The following KCNT2 variants were observed in gnomAD, a reference collection of about 807,000 sequenced individuals.
The protein encoded by KCNT2 is potassium channel subfamily T member 2.
A neutral mutation model predicts 153.8 loss-of-function variants in KCNT2; 67 were observed. The observed-to-expected ratio is 0.44, with a 90% CI of 0.36 to 0.53. The LOEUF (loss-of-function observed/expected upper bound fraction) is 0.53. Ranked by LOEUF, KCNT2 falls within the 20% of genes least tolerant of loss-of-function variation. The pLI is 0.00. For synonymous variants in KCNT2, 500 were observed against 458.8 expected (o/e 1.09, Z -1.15); for missense variants, 975 against 1,354.8 (o/e 0.72, Z 4.40).
At chr1:196,359,117 G>A (rs1667413071) in intron 14 of KCNT2, among the ~76,000 whole-genome samples, 1 of 151,840 alleles carries the variant, frequency 6.6e-6, no homozygotes, top group South Asian at 2.1e-4. Context: ...TTAACTGCAG[G>A]GAAATAGTAC....
intron 22 of KCNT2, among the ~76,000 whole-genome samples, chr1:196,301,509 T>C (rs1399801654): frequency 6.6e-6 from 1 of 152,170 alleles, no homozygotes. Flanking sequence ...TACAGAGTAT[T>C]ACTTCTGATA....
chr1:196,231,954 G>A lies in KCNT2; in HGVS notation c.3297-3619C>T, dbSNP rs139816725. On this transcript the variant is annotated intron_variant, in intron 27 of 27. Transcript: ENST00000294725. ...AATACTTCTATAATATTTTTAAGAG[G>A]CAGTATATAAAATGAACAGGAAAAC... 3.6e-4 allele frequency among the ~76,000 whole-genome samples: 54 copies of A among 151,818 alleles called. 1 individual carries two copies. Among genetic ancestry groups the A allele is most frequent in the Non-Finnish European group, 2.8e-4 (19 of 67,784 alleles).
In KCNT2 at chr1:196,293,867, A is replaced by C. The variant is rs554830256; in HGVS notation, c.2596-8109T>G. ...AAAGGCTTCTGCACAGTCAAAAAAA[A>C]AAAAAACAAAAAAACAAAAAACAAA... is the stretch of plus-strand genomic sequence containing the variant. On this transcript the variant is annotated intron_variant, in intron 22 of 27. Coordinates refer to ENST00000294725, the MANE Select transcript of KCNT2 (RefSeq NM_198503.5). Among the ~76,000 whole-genome samples the C allele has an allele frequency of 1.3e-3, 194 of 150,510 alleles. 3 individuals carry two copies. Among genetic ancestry groups the C allele is most frequent in the African/African-American group, 4.3e-3 (179 of 41,414 alleles).
At chr1:196,341,927 G>A in intron 15 of KCNT2, 152 bp downstream of exon 15, 2 of 641,558 alleles carry the variant, frequency 3.1e-6, no homozygotes, top group Non-Finnish European at 5.1e-6. Flanking sequence ...AGACACCAGG[G>A]TTCAAATGTT....
At chr1:196,596,491 G>A (rs191506608) in intron 1 of KCNT2, among the ~76,000 whole-genome samples, 36 of 152,152 alleles carry the variant, frequency 2.4e-4, no homozygotes, top group African/African-American at 8.2e-4. Context: ...GTGATGTTAA[G>A]CATTTTTTCA....
At chr1:196,260,070 T>C (rs772884361) in intron 25 of KCNT2, among the ~76,000 whole-genome samples, 1 of 151,848 alleles carries the variant, frequency 6.6e-6, no homozygotes, top group Non-Finnish European at 1.5e-5. Flanking sequence ...AATGAAAATA[T>C]GATATTTCAG....
chr1:196,438,477 G>A (rs1674927439), intron 8 of KCNT2, among the ~76,000 whole-genome samples: 1 of 151,742 alleles, frequency 6.6e-6, no homozygotes, highest in Admixed American at 6.6e-5. Context: ...GGCGATCATA[G>A]AAGGCTCCAA....
intron 1 of KCNT2, among the ~76,000 whole-genome samples, chr1:196,577,216 A>AAAC (rs374406013): frequency 2.6e-5 from 4 of 152,200 alleles, no homozygotes; most frequent in South Asian, 2.1e-4. Flanking sequence ...TCCACTCCCA[A>AAAC]AACAACAACA....
intron 8 of KCNT2, among the ~76,000 whole-genome samples, chr1:196,438,444 A>T (rs551415562): frequency 6.6e-6 from 1 of 151,792 alleles, no homozygotes; most frequent in African/African-American, 2.4e-5. Context: ...GCAAGTCCCA[A>T]GGGTTATGGA....
chr1:196,526,530 T>A (rs962428547), intron 1 of KCNT2, among the ~76,000 whole-genome samples: 1 of 151,776 alleles, frequency 6.6e-6, no homozygotes, highest in East Asian at 1.9e-4. Context: ...CTCGGCTCAC[T>A]ACAACCTCCG....
intron 1 of KCNT2, among the ~76,000 whole-genome samples, chr1:196,579,875 T>TA (rs1275076446): frequency 6.6e-6 from 1 of 152,150 alleles, no homozygotes; most frequent in Non-Finnish European, 1.5e-5. Flanking sequence ...TCATTGGTGA[T>TA]ACAGCTTTCA....
intron 22 of KCNT2, among the ~76,000 whole-genome samples, chr1:196,302,526 GC>G (rs1334978904): frequency 2.6e-5 from 4 of 151,996 alleles, no homozygotes; most frequent in Admixed American, 2.0e-4. Flanking sequence ...TCTGTTCCAG[GC>G]CTTTCTCCTT....
chr1:196,500,891 T>C (rs951696047), intron 1 of KCNT2, among the ~76,000 whole-genome samples: 5 of 152,102 alleles, frequency 3.3e-5, no homozygotes, highest in African/African-American at 1.2e-4. Flanking sequence ...GCAAAGGATA[T>C]GAACAGACAT....
At chr1:196,520,418 C>T (rs1198285819) in intron 1 of KCNT2, among the ~76,000 whole-genome samples, 1 of 151,760 alleles carries the variant, frequency 6.6e-6, no homozygotes, top group South Asian at 2.1e-4. Flanking sequence ...TCCTCTCTCA[C>T]CACTCCTATT....
intron 8 of KCNT2, among the ~76,000 whole-genome samples, chr1:196,430,191 T>C (rs747699355): frequency 3.9e-5 from 6 of 152,126 alleles, no homozygotes; most frequent in Middle Eastern, 3.4e-3. Flanking sequence ...GTAAAAGGCT[T>C]GAGGAGTTAA....
intron 12 of KCNT2, among the ~76,000 whole-genome samples, chr1:196,403,261 A>G (rs1375058877): frequency 6.6e-6 from 1 of 151,804 alleles, no homozygotes; most frequent in East Asian, 2.0e-4. Flanking sequence ...CCAAGAAAAG[A>G]CATGCAAAAC....
intron 12 of KCNT2, among the ~76,000 whole-genome samples, chr1:196,408,899 A>C (rs1362585307): frequency 6.6e-6 from 1 of 151,522 alleles, no homozygotes; most frequent in African/African-American, 2.4e-5. Context: ...TAGTGTGTTC[A>C]AGTTTGTTAT....
intron 1 of KCNT2, among the ~76,000 whole-genome samples, chr1:196,568,354 G>T (rs906333819): frequency 6.6e-6 from 1 of 152,028 alleles, no homozygotes; most frequent in Non-Finnish European, 1.5e-5. Context: ...AGCACTTTGG[G>T]AGGCCGAGGC....
intron 14 of KCNT2, among the ~76,000 whole-genome samples, chr1:196,355,253 C>T (rs568175719): frequency 2.0e-5 from 3 of 151,036 alleles, no homozygotes; most frequent in South Asian, 4.2e-4. Flanking sequence ...TAGGAAGATG[C>T]TTATGAATTC....
Sources: gnomAD v4.1 joint callset for allele counts (sites outside exome capture counted in the v4.1 genomes callset) on GRCh38, gnomAD v4.1.1 for gene constraint, MANE v1.5 for transcripts, NCBI Gene and HGNC (gene_info 2026-07-23, HGNC 2026-07-21) for gene names.